The following SIPA1L1 variants were observed in gnomAD, a reference collection of about 807,000 sequenced individuals.
SIPA1L1 encodes signal-induced proliferation-associated 1-like protein 1.
In SIPA1L1, 26 loss-of-function variants were observed where a neutral mutation model predicts 162.7. The observed-to-expected ratio is 0.16, with a 90% CI of 0.12 to 0.22. SIPA1L1 has a LOEUF of 0.22. SIPA1L1 is among the 10% of genes least tolerant of loss of function. The pLI, the probability that SIPA1L1 is intolerant of heterozygous loss-of-function variation, is 1.00. For missense variants in SIPA1L1, 1,874 were observed against 2,241.0 expected (o/e 0.84, Z 3.31); for synonymous variants, 829 against 837.4 (o/e 0.99, Z 0.17).
intron 2 of SIPA1L1, among the ~76,000 whole-genome samples, chr14:71,333,876 TAGC>T (rs2034816505): frequency 6.6e-6 from 1 of 152,146 alleles, no homozygotes; most frequent in Non-Finnish European, 1.5e-5. Context: ...TGAGATATGA[TAGC>T]AGCTGTGGAG....
chr14:71,322,415 C>A (rs1474067234), intron 2 of SIPA1L1, among the ~76,000 whole-genome samples: 1 of 152,112 alleles, frequency 6.6e-6, no homozygotes, highest in Non-Finnish European at 1.5e-5. Context: ...TAACGACTGT[C>A]ATTTTTCTCT....
chr14:71,647,091 T>C (rs1362804117), intron 7 of SIPA1L1, among the ~76,000 whole-genome samples: 2 of 152,130 alleles, frequency 1.3e-5, no homozygotes, highest in Admixed American at 1.3e-4. Flanking sequence ...CGGAGAATGC[T>C]ACCTACCTTT....
At chr14:71,419,568 G>A (rs1490626818) in intron 2 of SIPA1L1, among the ~76,000 whole-genome samples, 1 of 147,842 alleles carries the variant, frequency 6.8e-6, no homozygotes, top group Non-Finnish European at 1.5e-5. Flanking sequence ...CGCAATCTCG[G>A]CTCACTGCAA....
chr14:71,338,717 A>AT (rs2035340965), intron 2 of SIPA1L1, among the ~76,000 whole-genome samples: 1 of 151,842 alleles, frequency 6.6e-6, no homozygotes, highest in Non-Finnish European at 1.5e-5. Context: ...TGGTTACTAG[A>AT]TTTTTATTTA....
intron 2 of SIPA1L1, among the ~76,000 whole-genome samples, chr14:71,493,293 C>A (rs945525279): frequency 6.6e-6 from 1 of 151,998 alleles, no homozygotes; most frequent in South Asian, 2.1e-4. Flanking sequence ...GGGGTTTCAC[C>A]ATGTTACCCA....
intron 2 of SIPA1L1, among the ~76,000 whole-genome samples, chr14:71,446,036 A>T (rs563038304): frequency 3.4e-4 from 51 of 152,168 alleles, no homozygotes; most frequent in African/African-American, 1.2e-3. Context: ...TTTGTAGAAG[A>T]TGGAATCTCA....
intron 2 of SIPA1L1, among the ~76,000 whole-genome samples, chr14:71,501,162 A>T (rs577149136): frequency 1.3e-5 from 2 of 152,228 alleles, no homozygotes; most frequent in Non-Finnish European, 2.9e-5. Context: ...TCTATAAAAA[A>T]TTTTAAAAAT....
intron 3 of SIPA1L1, among the ~76,000 whole-genome samples, chr14:71,527,092 G>A (rs760499632): frequency 3.9e-5 from 6 of 152,116 alleles, no homozygotes; most frequent in Non-Finnish European, 7.4e-5. Context: ...CCATGGTGAT[G>A]CATGAAGTTG....
chr14:71,418,868 T>C (rs2042978526), intron 2 of SIPA1L1, among the ~76,000 whole-genome samples: 1 of 152,208 alleles, frequency 6.6e-6, no homozygotes, highest in Admixed American at 6.5e-5. Flanking sequence ...CTTTTGGTGC[T>C]CCTGCGGGGA....
chr14:71,425,732 T>G (rs937308028), intron 2 of SIPA1L1, among the ~76,000 whole-genome samples: 1 of 152,102 alleles, frequency 6.6e-6, no homozygotes, highest in Non-Finnish European at 1.5e-5. Flanking sequence ...TTTCTTGTGT[T>G]TTTTGAGTCC....
intron 2 of SIPA1L1, among the ~76,000 whole-genome samples, chr14:71,370,583 G>A (rs1175520007): frequency 6.6e-6 from 1 of 152,178 alleles, no homozygotes; most frequent in Non-Finnish European, 1.5e-5. Flanking sequence ...GTAAGGGGCA[G>A]TACTTATTTT....
chr14:71,630,302 A>G (rs982784223), intron 7 of SIPA1L1, among the ~76,000 whole-genome samples: 2 of 152,170 alleles, frequency 1.3e-5, no homozygotes, highest in African/African-American at 4.8e-5. Context: ...ACAAGTAGTG[A>G]TCACCCTGTG....
chr14:71,499,046 A>G (rs1264252435), intron 2 of SIPA1L1, among the ~76,000 whole-genome samples: 2 of 152,256 alleles, frequency 1.3e-5, no homozygotes, highest in African/African-American at 2.4e-5. Context: ...GTGACAAGAA[A>G]AAGTATATTC....
intron 4 of SIPA1L1, among the ~76,000 whole-genome samples, chr14:71,542,334 C>CCTCCTCCTCCTTCTTT (rs879889746): frequency 1.2e-3 from 174 of 146,240 alleles, no homozygotes; most frequent in Non-Finnish European, 2.1e-3. Context: ...TCTTCCTCTT[C>CCTCCTCCTCCTTCTTT]CTCCTCCTCC....
intron 10 of SIPA1L1, among the ~76,000 whole-genome samples, chr14:71,668,040 G>A (rs2044183940): frequency 6.6e-6 from 1 of 152,092 alleles, no homozygotes; most frequent in Non-Finnish European, 1.5e-5. Flanking sequence ...ACTCCAGCCT[G>A]GGCAACAGAG....
chr14:71,563,141 T>C (rs2056926826), intron 4 of SIPA1L1, among the ~76,000 whole-genome samples: 1 of 152,232 alleles, frequency 6.6e-6, no homozygotes, highest in Non-Finnish European at 1.5e-5. Context: ...ATTTGTCTAA[T>C]TATTGTGATT....
At chr14:71,710,484 T>C (rs202188686) in intron 17 of SIPA1L1, among the ~76,000 whole-genome samples, 2 of 152,200 alleles carry the variant, frequency 1.3e-5, no homozygotes, top group East Asian at 1.9e-4. Context: ...CCTTGCTGTC[T>C]TCTGGGTCTG....
intron 17 of SIPA1L1, among the ~76,000 whole-genome samples, chr14:71,715,067 G>C (rs1357254370): frequency 6.6e-6 from 1 of 152,224 alleles, no homozygotes; most frequent in Non-Finnish European, 1.5e-5. Flanking sequence ...TGTTGGCCCT[G>C]CTTGCCTTAA....
chr14:71,590,030 A>AT (rs1175469097), intron 5 of SIPA1L1, among the ~76,000 whole-genome samples: 42 of 52,626 alleles, frequency 8.0e-4, no homozygotes, highest in Admixed American at 1.7e-3. Context: ...GTAAAAAAAA[A>AT]AAAAAAAAAA....
Sources: allele counts gnomAD v4.1 joint callset (sites outside exome capture counted in the v4.1 genomes callset), GRCh38; gene constraint gnomAD v4.1.1; transcripts MANE v1.5; gene names NCBI Gene and HGNC (gene_info 2026-07-23, HGNC 2026-07-21).